The following SLC36A1 variants were observed in gnomAD, a reference collection of about 807,000 sequenced individuals.
SLC36A1 encodes solute carrier family 36 member 1.
In SLC36A1, 30 loss-of-function variants were observed where a neutral mutation model predicts 47.5. The ratio of observed to expected loss-of-function variants is 0.63; its 90% confidence interval spans 0.47 to 0.86. The LOEUF is 0.86. SLC36A1 is among the 40% of genes least tolerant of loss of function. The pLI is 0.00. For missense variants in SLC36A1, 517 were observed against 606.0 expected, an observed-to-expected ratio of 0.85 and a Z score of 1.54; for synonymous variants, 255 against 249.7, an observed-to-expected ratio of 1.02 and a Z score of -0.20.
At chr5:151,363,513 G>C in the SLC36A1 span, among the ~76,000 whole-genome samples, 1 of 151,920 alleles carries the variant, frequency 6.6e-6, no homozygotes, top group Non-Finnish European at 1.5e-5. Flanking sequence ...ATTTGTTTTT[G>C]GTTTTCTGTA....
the SLC36A1 span, chr5:151,540,453 C>T: frequency 8.5e-6 from 6 of 707,358 alleles, no homozygotes; most frequent in Non-Finnish European, 1.4e-5. Flanking sequence ...CCCTCACTCT[C>T]TGTTCTCCTG....
intron 1 of SLC36A1, among the ~76,000 whole-genome samples, chr5:151,456,321 A>G (rs929815452): frequency 3.9e-5 from 6 of 152,134 alleles, no homozygotes; most frequent in African/African-American, 1.4e-4. Flanking sequence ...TGTTTGCATA[A>G]ATAATTATGT....
chr5:151,507,541 A>G, the SLC36A1 span: 1 of 1,614,066 alleles, frequency 6.2e-7, no homozygotes, highest in African/African-American at 1.3e-5. Context: ...TGCTGCCCCC[A>G]GTCCCCCCTT....
chr5:151,547,981 A>C, the SLC36A1 span, among the ~76,000 whole-genome samples: 1 of 152,338 alleles, frequency 6.6e-6, no homozygotes, highest in African/African-American at 2.4e-5. Context: ...AAACTAATCT[A>C]ATCTGGAAAA....
At position 151,475,080 on chromosome 5, in the gene SLC36A1, T is replaced by TAGG. The variant is rs200402974; in HGVS notation, c.822+1310_822+1312dup. ...TTATACCTTGCCCTGTGCTCTATCT[T>TAGG]AGGGCTTTTCATTGCCCATGAAGAG... On this transcript the variant is annotated intron_variant, in intron 8 of 10. Transcript: ENST00000243389. 6.7e-3 allele frequency among the ~76,000 whole-genome samples: 1,018 copies of TAGG among 152,344 alleles called. 2 individuals are homozygous for TAGG. The highest frequency in any genetic ancestry group is 8.4e-3 in the Non-Finnish European group (572 of 68,010).
At chr5:151,516,680 A>G in the SLC36A1 span, among the ~76,000 whole-genome samples, 5 of 152,326 alleles carry the variant, frequency 3.3e-5, no homozygotes, top group Non-Finnish European at 7.3e-5. Flanking sequence ...AAAGCTTTAA[A>G]AGGGATTTCT....
At position 151,475,470 on chromosome 5, in the gene SLC36A1, G is replaced by A. The variant is rs1436362342; in HGVS notation, c.823-1120G>A. ...ATTGACTCTTAGTTTTGGATCTAGG[G>A]CTTGTTCATTGCATCGGGGTAAAGT... On this transcript the variant is annotated intron_variant, in intron 8 of 10. Transcript: ENST00000243389. Among the ~76,000 whole-genome samples, 7 of 152,296 alleles carry A rather than the reference G, an allele frequency of 4.6e-5. No homozygotes were observed. The South Asian group carries it at 1.5e-3, about 32-fold the overall frequency.
chr5:151,507,730 A>AC, the SLC36A1 span: 58 of 909,456 alleles, frequency 6.4e-5, no homozygotes, highest in South Asian at 4.7e-4. Flanking sequence ...CCCGTTTTTC[A>AC]CCCCCCAAAA....
chr5:151,525,995 G>A, the SLC36A1 span: 2 of 1,606,240 alleles, frequency 1.2e-6, no homozygotes, highest in East Asian at 4.5e-5. Context: ...AGAAGGCAAA[G>A]AGCAGAATGA....
the SLC36A1 span, among the ~76,000 whole-genome samples, chr5:151,415,349 G>A: frequency 2.6e-5 from 4 of 152,062 alleles, no homozygotes; most frequent in Non-Finnish European, 2.9e-5. Flanking sequence ...TGAGTGGTTC[G>A]ACTCCTGCTG....
the SLC36A1 span, chr5:151,542,519 T>C: frequency 1.0e-3 from 1,649 of 1,614,152 alleles, no homozygotes; most frequent in Non-Finnish European, 1.2e-3. Flanking sequence ...AAATGATAAG[T>C]CTGGCAGGTC....
At chr5:151,464,216 C>T (rs1249634356) in intron 3 of SLC36A1, among the ~76,000 whole-genome samples, 1 of 152,196 alleles carries the variant, frequency 6.6e-6, no homozygotes. Flanking sequence ...CAGCTCTTCC[C>T]ACAGTCACAG....
At chr5:151,413,686 A>G in the SLC36A1 span, among the ~76,000 whole-genome samples, 1 of 152,060 alleles carries the variant, frequency 6.6e-6, no homozygotes, top group African/African-American at 2.4e-5. Context: ...TTTGTTTAAG[A>G]AAGAGCTGTG....
chr5:151,468,423 A>G (rs928741424), intron 7 of SLC36A1, among the ~76,000 whole-genome samples: 6 of 145,116 alleles, frequency 4.1e-5, no homozygotes, highest in African/African-American at 1.5e-4. Flanking sequence ...TGTATGTAAT[A>G]TTTATATATT....
the SLC36A1 span, chr5:151,551,525 C>T: frequency 6.2e-7 from 1 of 1,614,200 alleles, no homozygotes; most frequent in Non-Finnish European, 8.5e-7. Context: ...ATAGTTCGAC[C>T]TTCTCCTGGT....
chr5:151,546,344 C>G, the SLC36A1 span: 2 of 1,605,626 alleles, frequency 1.2e-6, no homozygotes, highest in Non-Finnish European at 1.7e-6. Flanking sequence ...TTCCCTGAAA[C>G]AGAAGACAAG....
At chr5:151,545,497 T>A in the SLC36A1 span, 2 of 1,614,188 alleles carry the variant, frequency 1.2e-6, no homozygotes. Context: ...TGCTACCTCA[T>A]ATATCTGTTC....
the SLC36A1 span, among the ~76,000 whole-genome samples, chr5:151,516,497 C>CA: frequency 1.3e-5 from 2 of 152,174 alleles, no homozygotes; most frequent in African/African-American, 4.8e-5. Context: ...GCCTGGGCGA[C>CA]AGAGTGAGAC....
At chr5:151,505,481 C>T in the SLC36A1 span, 2 of 1,543,832 alleles carry the variant, frequency 1.3e-6, no homozygotes, top group African/African-American at 1.4e-5. Flanking sequence ...CCCAGCCACA[C>T]TCAACTCACC....
Sources: gnomAD v4.1 joint callset for allele counts (sites outside exome capture counted in the v4.1 genomes callset) on GRCh38, gnomAD v4.1.1 for gene constraint, MANE v1.5 for transcripts, NCBI Gene and HGNC (gene_info 2026-07-23, HGNC 2026-07-21) for gene names.